The following CCL26 variants were observed in gnomAD, a reference collection of about 807,000 sequenced individuals.
CCL26 encodes C-C motif chemokine 26.
CCL26 carries 10 observed loss-of-function variants against 10.7 expected under a neutral mutation model. The ratio of observed to expected loss-of-function variants is 0.93; its 90% CI spans 0.57 to 1.58. CCL26 has a LOEUF of 1.58. Ranked by LOEUF, CCL26 falls within the 40% of genes most tolerant of loss-of-function variation. CCL26 has a pLI of 0.00. For missense variants in CCL26, 116 were observed against 111.0 expected, an observed-to-expected ratio of 1.05 and a Z score of -0.20; for synonymous variants, 43 against 41.4, an observed-to-expected ratio of 1.04 and a Z score of -0.15.
At chr7:75,776,567 AG>A (rs1336507248), upstream of CCL26, among the ~76,000 whole-genome samples, 6 of 140,638 alleles carry the variant, frequency 4.3e-5, no homozygotes, top group East Asian at 2.1e-4. Flanking sequence ...GAAGGAAGGA[AG>A]GAAGGAAGGA....
chr7:75,775,054 T>C (rs1266477997), upstream of CCL26, among the ~76,000 whole-genome samples: 1 of 151,996 alleles, frequency 6.6e-6, no homozygotes, highest in East Asian at 1.9e-4. Flanking sequence ...ACTCCGTCTC[T>C]ACCAAAAATA....
At chr7:75,783,528 G>C (rs1039027594) in intron 1 of CCL26, among the ~76,000 whole-genome samples, 1 of 152,086 alleles carries the variant, frequency 6.6e-6, no homozygotes, top group Admixed American at 6.6e-5. Flanking sequence ...AGCCAGGCAC[G>C]GTGGCTCACG....
chr7:75,787,447 A>G (rs1362812802), intron 1 of CCL26, among the ~76,000 whole-genome samples: 1 of 151,974 alleles, frequency 6.6e-6, no homozygotes, highest in Non-Finnish European at 1.5e-5. Context: ...GATCAAGATC[A>G]TCCTGGCTAA....
At chr7:75,771,868 G>C (rs556152113) in intron 2 of CCL26, 21 bp downstream of exon 2, 1 of 1,558,590 alleles carries the variant, frequency 6.4e-7, no homozygotes, top group African/African-American at 1.4e-5. Context: ...GCCCCAGAAA[G>C]TACGTCCGAG....
chr7:75,769,916 C>G (rs185561465), intron 2 of CCL26, 127 bp from the exon 3 acceptor site: 11 of 624,774 alleles, frequency 1.8e-5, no homozygotes, highest in Non-Finnish European at 2.9e-5. Flanking sequence ...TGCTCTCTGT[C>G]CCTGTCCCCT....
At chr7:75,786,483 G>A (rs7811372) in intron 1 of CCL26, among the ~76,000 whole-genome samples, 114,093 of 151,954 alleles carry the variant, frequency 0.75, 42,957 homozygotes, top group South Asian at 0.81. Context: ...CATATCCTGC[G>A]CCACCATACT....
At chr7:75,779,173 T>A (rs1803006473) in intron 1 of CCL26, among the ~76,000 whole-genome samples, 1 of 151,764 alleles carries the variant, frequency 6.6e-6, no homozygotes, top group Non-Finnish European at 1.5e-5. Flanking sequence ...CCTACCCAAA[T>A]CCTATAAAAC....
Position 75,780,810 on chromosome 7 carries a change from G to A in CCL26, c.-78-8556C>T, listed in dbSNP as rs372660767. Among the ~76,000 whole-genome samples, 92 of 152,008 alleles carry A rather than the reference G, an allele frequency of 6.1e-4. 1 individual carries two copies. In the South Asian group the frequency reaches 6.2e-3, roughly 10 times the overall value. On this transcript the variant is annotated intron_variant, in intron 1 of 3. Coordinates refer to the CCL26 transcript ENST00000394905. ...TCCACAGGCTGCTCGTTGCCAGGCC[G>A]AGCCAGGTCCCAGTTTTTCCTCAGC...
At chr7:75,778,830 C>A (rs1479559559) in intron 1 of CCL26, among the ~76,000 whole-genome samples, 2 of 145,152 alleles carry the variant, frequency 1.4e-5, no homozygotes, top group Non-Finnish European at 3.0e-5. Flanking sequence ...GTAATCCCAG[C>A]ACTTTGGGAG....
upstream of CCL26, among the ~76,000 whole-genome samples, chr7:75,772,668 A>AC (rs1427459378): frequency 6.7e-4 from 100 of 149,726 alleles, no homozygotes; most frequent in Middle Eastern, 3.5e-3. Flanking sequence ...AAAAAAAAAA[A>AC]CAAACAAACA....
At chr7:75,785,508 A>G (rs1554529892) in intron 1 of CCL26, among the ~76,000 whole-genome samples, 1 of 152,056 alleles carries the variant, frequency 6.6e-6, no homozygotes, top group East Asian at 1.9e-4. Flanking sequence ...TTCTCCATCC[A>G]TTACCTACCT....
chr7:75,770,054 G>T (rs541659044), intron 2 of CCL26, among the ~76,000 whole-genome samples: 88 of 146,830 alleles, frequency 6.0e-4, no homozygotes, highest in Non-Finnish European at 6.0e-4. Context: ...CATGTAACCT[G>T]CACCAGGACA....
chr7:75,782,198 A>C (rs1803079784), intron 1 of CCL26, among the ~76,000 whole-genome samples: 1 of 151,332 alleles, frequency 6.6e-6, no homozygotes, highest in Admixed American at 6.6e-5. Context: ...AATTCCTTTC[A>C]TTTTCTGGTA....
chr7:75,773,320 AG>A (rs1554528372), upstream of CCL26, among the ~76,000 whole-genome samples: 1 of 152,024 alleles, frequency 6.6e-6, no homozygotes, highest in African/African-American at 2.4e-5. Flanking sequence ...GCTACTAGGG[AG>A]GCTGAGGCAG....
intron 1 of CCL26, among the ~76,000 whole-genome samples, chr7:75,786,716 TC>T (rs1803192268): frequency 6.6e-6 from 1 of 152,164 alleles, no homozygotes; most frequent in Non-Finnish European, 1.5e-5. Flanking sequence ...CTTCTTCTCA[TC>T]GGTCACTCCC....
rs181062363 is a variant in CCL26, at chr7:75,782,303, G to A, written c.-79+7414C>T. 7.7e-3 allele frequency among the ~76,000 whole-genome samples: 1,167 copies of A among 151,732 alleles called. 16 individuals carry two copies. The highest frequency in any genetic ancestry group is 0.026 in the African/African-American group (1,082 of 41,408). ...CCTTCCCTTGGTGTTTAATCATTGC[G>A]GGGACGCCTCTCTGATTATTCACCC... On this transcript the variant is annotated intron_variant, in intron 1 of 3. Transcript: ENST00000394905.
At chr7:75,779,844 T>C (rs1395792408) in intron 1 of CCL26, among the ~76,000 whole-genome samples, 8 of 152,216 alleles carry the variant, frequency 5.3e-5, no homozygotes, top group African/African-American at 1.7e-4. Flanking sequence ...CCACCCCTTC[T>C]CTCTGTGTCT....
chr7:75,777,012 C>T (rs544320970), upstream of CCL26, among the ~76,000 whole-genome samples: 1 of 152,204 alleles, frequency 6.6e-6, no homozygotes, highest in East Asian at 1.9e-4. Context: ...GGGTGGATCA[C>T]CTGAGGTCAG....
At chr7:75,788,418 T>C (rs1803250191) in intron 1 of CCL26, among the ~76,000 whole-genome samples, 2 of 152,090 alleles carry the variant, frequency 1.3e-5, no homozygotes, top group Non-Finnish European at 2.9e-5. Flanking sequence ...TTCCATTACC[T>C]ACCCAAATCC....
Sources: gnomAD v4.1 joint callset for allele counts (sites outside exome capture counted in the v4.1 genomes callset) on GRCh38, gnomAD v4.1.1 for gene constraint, MANE v1.5 for transcripts, NCBI Gene and HGNC (gene_info 2026-07-23, HGNC 2026-07-21) for gene names.